Variants in SPTA1 observed in about 807,000 individuals in gnomAD.
The protein encoded by SPTA1 is spectrin alpha chain, erythrocytic 1.
Under a neutral mutation model 324.7 loss-of-function variants are expected in SPTA1, and 177 were observed. That is an observed-to-expected ratio of 0.55 (90% CI 0.48 to 0.62). The LOEUF is 0.62. Among genes scored for constraint, SPTA1 ranks in the 20% least tolerant of loss-of-function variants. The pLI, the probability that SPTA1 is intolerant of heterozygous loss-of-function variation, is 0.00. For synonymous variants in SPTA1, 1,195 were observed against 1,041.3 expected, an observed-to-expected ratio of 1.15 and a Z score of -2.84; for missense variants, 3,162 against 2,883.6, an observed-to-expected ratio of 1.10 and a Z score of -2.21.
In SPTA1 at chr1:158,674,563, G is replaced by T; in HGVS notation, c.1225C>A (p.Leu409Met). The stretch of plus-strand genomic sequence containing the variant: ...ACCTTATGCTGCTGATGCCTGTCCA[G>T]CAGAACTTCTCCACCAGCCACATCT... ...PTDVAGGEVL[L>M]DRHQQHKHEI... The change falls in exon 9 of 52, where the codon CTG becomes ATG. Residue 409 changes from leucine (L) to methionine (M), a missense_variant. Physicochemically the swap from Leu to Met is conservative, Grantham distance 15. Transcript: ENST00000643759. The T allele has an allele frequency of 6.2e-7, 1 of 1,614,070 alleles. No individual in the cohort carries two copies. The highest frequency in any genetic ancestry group is 1.3e-5 in the African/African-American group (1 of 75,028).
chr1:158,662,566 G>T, intron 17 of SPTA1, 136 bp downstream of exon 17: 1 of 1,194,262 alleles, frequency 8.4e-7, no homozygotes, highest in Non-Finnish European at 1.2e-6. Flanking sequence ...ATGAAGGACT[G>T]GACAAATTTT....
intron 33 of SPTA1, among the ~76,000 whole-genome samples, chr1:158,641,562 C>T (rs577185126): frequency 1.7e-4 from 26 of 152,304 alleles, no homozygotes; most frequent in African/African-American, 5.5e-4. Context: ...TGAAAAAATG[C>T]TCATCATCAC....
chr1:158,653,465 G>T (rs1313766061), intron 21 of SPTA1, 40 bp from the exon 22 acceptor site: 3 of 1,612,292 alleles, frequency 1.9e-6, no homozygotes, highest in African/African-American at 2.7e-5. Flanking sequence ...ATTAATTCTT[G>T]GAAAAGCAAC....
intron 42 of SPTA1, 60 bp downstream of exon 42, chr1:158,626,086 T>C: frequency 6.9e-7 from 1 of 1,454,788 alleles, no homozygotes; most frequent in Non-Finnish European, 9.7e-7. Flanking sequence ...TAAATAATCA[T>C]GGAGGATGAG....
chr1:158,657,507 A>G lies in SPTA1; in HGVS notation c.2775T>C (p.Thr925=). Residue 925 remains threonine, a synonymous_variant, in exon 19 of 52, where the codon ACT becomes ACC. Transcript: ENST00000643759. Reference sequence around the variant, plus strand: ...CTGCTTCTTCATCAGCACCATAGTTAGTATTATCTACAATAGGTTCCTTCT... The same window carrying G: ...CTGCTTCTTCATCAGCACCATAGTTGGTATTATCTACAATAGGTTCCTTCT... The part of the protein sequence containing the change: ...IREKEPIVDN[T]NYGADEEAAG... 1 of 1,613,814 alleles carries G rather than the reference A, an allele frequency of 6.2e-7. No individual in the cohort carries two copies. The highest frequency in any genetic ancestry group is 1.1e-5 in the South Asian group (1 of 91,080).
intron 18 of SPTA1, among the ~76,000 whole-genome samples, chr1:158,660,745 C>A (rs2101887342): frequency 6.6e-6 from 1 of 152,308 alleles, no homozygotes; most frequent in South Asian, 2.1e-4. Flanking sequence ...GTGTAATCTG[C>A]ACTGCTTATA....
At chr1:158,674,825 T>A in intron 8 of SPTA1, 150 bp from the exon 9 acceptor site, 1 of 1,130,026 alleles carries the variant, frequency 8.8e-7, no homozygotes, top group Non-Finnish European at 1.3e-6. Flanking sequence ...TCCTGTTATT[T>A]ACAGTCAGAG....
At chr1:158,662,623 A>G in intron 17 of SPTA1, 79 bp downstream of exon 17, 1 of 1,598,796 alleles carries the variant, frequency 6.3e-7, no homozygotes, top group Non-Finnish European at 8.5e-7. Context: ...CTAGACTCCA[A>G]CTACTGTACC....
Position 158,636,668 on chromosome 1 carries a change from C to T in SPTA1, c.5283G>A (p.Glu1761=), listed in dbSNP as rs1651101675. Residue 1761 remains glutamate, a synonymous_variant, in exon 37 of 52, where the codon GAG becomes GAA. Transcript: ENST00000643759. ...LLKKHKRLEG[E]LVAHEPAIQN... is the part of the protein sequence containing the mutation. ...GGATGGCAGGCTCATGGGCCACCAG[C>T]TCCCCCTCTAGGCGTTTGTGCTTCT... 7 of 1,614,120 alleles carry T rather than the reference C, an allele frequency of 4.3e-6. No individual in the cohort carries two copies. Among genetic ancestry groups the T allele is most frequent in the Non-Finnish European group, 5.1e-6 (6 of 1,180,010 alleles).
intron 39 of SPTA1, 34 bp from the exon 40 acceptor site, chr1:158,627,757 C>T (rs764903131): frequency 2.8e-5 from 44 of 1,592,538 alleles, no homozygotes; most frequent in Non-Finnish European, 3.1e-5. Flanking sequence ...TTAAGATATC[C>T]AAAGCCGGAA....
chr1:158,631,629 A>G (rs1236739341), intron 39 of SPTA1, among the ~76,000 whole-genome samples: 4 of 152,188 alleles, frequency 2.6e-5, no homozygotes, highest in Non-Finnish European at 1.5e-5. Flanking sequence ...AATAATAAAA[A>G]TGAGCTAAGA....
chr1:158,658,147 G>A (rs1571471278), intron 18 of SPTA1, among the ~76,000 whole-genome samples: 1 of 152,192 alleles, frequency 6.6e-6, no homozygotes, highest in Non-Finnish European at 1.5e-5. Flanking sequence ...TGATTCCTGA[G>A]AGAAGGGAAA....
In SPTA1 at chr1:158,648,522, G is replaced by A. The variant is rs2101848439; in HGVS notation, c.3701C>T (p.Pro1234Leu). 5.0e-6 allele frequency: 8 copies of A among 1,613,868 alleles called. No homozygotes were observed. The highest frequency in any genetic ancestry group is 6.8e-6 in the Non-Finnish European group (8 of 1,179,908). ...RHEGFERDLV[P>L]LGDKVTILGE... ...GACTTGTCTCACCTTATCTCCCAGG[G>A]GTACGAGGTCCCTTTCAAAGCCCTC... Residue 1234 changes from proline (P) to leucine (L), a missense_variant, in exon 26 of 52, where the codon CCC (proline) becomes CTC (leucine). Physicochemically the swap from Pro to Leu is moderately conservative, Grantham distance 98. Transcript: ENST00000643759.
chr1:158,669,763 T>C lies in SPTA1; in HGVS notation c.1623A>G (p.Lys541=), dbSNP rs761453957. ...AATCATAATGGTCATCACCAATCAATTTGGTTGCAGTCTTGTCTACAGTCT... is the reference window on the plus strand; with the variant it reads ...AATCATAATGGTCATCACCAATCAACTTGGTTGCAGTCTTGTCTACAGTCT... ...KIITVDKTAT[K]LIGDDHYDSE... is the part of the protein sequence containing the mutation. Residue 541 remains lysine (K), a synonymous_variant, in exon 13 of 52, where the codon AAA becomes AAG. Coordinates refer to ENST00000643759, the MANE Select transcript of SPTA1 (RefSeq NM_003126.4). The C allele has an allele frequency of 1.9e-6, 3 of 1,613,950 alleles. No homozygotes were observed. In the African/African-American group the frequency reaches 4.0e-5, roughly 22 times the overall value.
At chr1:158,678,583 T>C (rs1214196519) in intron 5 of SPTA1, 49 bp from the exon 6 acceptor site, 1 of 1,596,236 alleles carries the variant, frequency 6.3e-7, no homozygotes. Flanking sequence ...AGATTATATT[T>C]AAAAAATTAT....
Position 158,641,854 on chromosome 1 carries a change from T to TATGTTTATAGCG in SPTA1, c.4737+556_4737+557insCGCTATAAACAT, listed in dbSNP as rs1412703337. ...TAAATCATGCTGCTATAAAGACACATGCACACATATGTTTATTGCGGCACT... is the reference window on the plus strand; with the variant it reads ...TAAATCATGCTGCTATAAAGACACATATGTTTATAGCGGCACACATATGTTTATTGCGGCACT... On this transcript the variant is annotated intron_variant, in intron 33 of 51. Coordinates refer to ENST00000643759, the MANE Select transcript of SPTA1 (RefSeq NM_003126.4). Among the ~76,000 whole-genome samples the TATGTTTATAGCG allele has an allele frequency of 1.8e-4, 28 of 152,296 alleles. No individual in the cohort carries two copies. In the East Asian group the frequency reaches 4.8e-3, roughly 26 times the overall value.
At chr1:158,685,777 T>G (rs903522074) in intron 1 of SPTA1, among the ~76,000 whole-genome samples, 1 of 152,142 alleles carries the variant, frequency 6.6e-6, no homozygotes, top group Admixed American at 6.6e-5. Flanking sequence ...TGGCTTGCAA[T>G]TAATTTAGTT....
chr1:158,657,623 G>A lies in SPTA1; in HGVS notation c.2659C>T (p.Arg887Ter), dbSNP rs757845058. The change falls in exon 19 of 52, where the codon CGA becomes TGA. Residue 887 changes from arginine (R) to a stop codon, truncating the protein, a stop_gained. Transcript: ENST00000643759. LOFTEE classifies it high-confidence loss of function. Reference sequence around the variant, plus strand: ...AGATCATTTTGTCGCCTAGCAGCTCGAGCACGGAGAGACTCCATATTCTGG... The same window carrying A: ...AGATCATTTTGTCGCCTAGCAGCTCAAGCACGGAGAGACTCCATATTCTGG... ...LNQNMESLRA[R>*]AARRQNDLEA... 10 of 1,614,054 alleles carry A rather than the reference G, an allele frequency of 6.2e-6. No homozygotes were observed. Among genetic ancestry groups the A allele is most frequent in the Admixed American group, 3.3e-5 (2 of 60,002 alleles).
At position 158,667,915 on chromosome 1, in the gene SPTA1, G is replaced by A. The variant is rs747716571; in HGVS notation, c.1981C>T (p.Arg661Cys). ...CAGAGGCTGGCAACTTCACTCAGACGAGTGGTCACATTGTCAGAGGCATAG... is the reference window on the plus strand; with the variant it reads ...CAGAGGCTGGCAACTTCACTCAGACAAGTGGTCACATTGTCAGAGGCATAG... The part of the protein sequence containing the change: ...GHYASDNVTT[R>C]LSEVASLWEE... Residue 661 changes from arginine (R) to cysteine (C), a missense_variant, in exon 15 of 52, where the codon CGT becomes TGT. Coordinates refer to ENST00000643759, the MANE Select transcript of SPTA1 (RefSeq NM_003126.4). 2.8e-5 allele frequency: 45 copies of A among 1,613,730 alleles called. No individual in the cohort carries two copies. In the East Asian group the frequency reaches 5.3e-4, roughly 19 times the overall value.
Sources: gnomAD v4.1 joint callset for allele counts (sites outside exome capture counted in the v4.1 genomes callset) on GRCh38, gnomAD v4.1.1 for gene constraint, MANE v1.5 for transcripts, NCBI Gene and HGNC (gene_info 2026-07-23, HGNC 2026-07-21) for gene names.